Variants in AKAP8L observed in about 807,000 individuals in gnomAD.
The protein encoded by AKAP8L is A-kinase anchoring protein 8 like.
AKAP8L carries 34 observed loss-of-function variants against 77.5 expected under a neutral mutation model. The observed-to-expected ratio is 0.44, with a 90% CI of 0.33 to 0.58. The LOEUF (loss-of-function observed/expected upper bound fraction) is 0.58, where lower values mean the gene tolerates loss of function less well. Among genes scored for constraint, AKAP8L ranks in the 20% least tolerant of loss-of-function variants. The pLI is 0.02. For synonymous variants in AKAP8L, 342 were observed against 340.7 expected (o/e 1.00, Z -0.04); for missense variants, 806 against 887.6 (o/e 0.91, Z 1.17).
At position 15,387,698 on chromosome 19, in the gene AKAP8L, C is replaced by T. The variant is rs1039453592; in HGVS notation, c.1537-7086G>A. Among the ~76,000 whole-genome samples, 11 of 152,176 alleles carry T rather than the reference C, an allele frequency of 7.2e-5. 1 individual carries two copies. The highest frequency in any genetic ancestry group is 2.4e-5 in the African/African-American group (1 of 41,458). ...CTCTTGGGCCTGGCATAGTGGCTGA[C>T]GCCTGTAATCCCAGCACCTTGTGAG... On this transcript the variant is annotated intron_variant, in intron 12 of 13. Transcript: ENST00000397410.
At chr19:15,385,392 A>G (rs1408340321) in intron 12 of AKAP8L, among the ~76,000 whole-genome samples, 284 of 118,206 alleles carry the variant, frequency 2.4e-3, no homozygotes, top group Middle Eastern at 0.013. Flanking sequence ...CGTGTTAGCC[A>G]GGATGGTCTC....
Position 15,401,609 on chromosome 19 carries a change from G to A in AKAP8L, c.363-6C>T. 3.8e-6 allele frequency: 6 copies of A among 1,566,220 alleles called. No homozygotes were observed. The highest frequency in any genetic ancestry group is 4.3e-6 in the Non-Finnish European group (5 of 1,155,298). Reference sequence around the variant, plus strand: ...AGGACTCATAAGAGTCATACCTGCAGAGGCATGGGGTGAGCATCAGGTGGA... The same window carrying A: ...AGGACTCATAAGAGTCATACCTGCAAAGGCATGGGGTGAGCATCAGGTGGA... On this transcript the variant is annotated splice_polypyrimidine_tract_variant and splice_region_variant and intron_variant, in intron 4 of 13. Coordinates refer to ENST00000397410, the MANE Select transcript of AKAP8L (RefSeq NM_014371.4). The surrounding 1 kb of genome is among the most constrained non-coding windows in gnomAD (Gnocchi z 6.2).
In AKAP8L at chr19:15,380,568, G is replaced by C; in HGVS notation, c.1581C>G (p.Arg527=). ...TGATGAGCTTGTTGTTGAGAATACT[G>C]CGGGCCACCATGAGGGAGGACTTCT... ...QSKKSSLMVA[R]SILNNKLISK... is the part of the protein sequence containing the mutation. The change falls in exon 13 of 14, where the codon CGC becomes CGG. Residue 527 remains arginine (R), a synonymous_variant. Coordinates refer to ENST00000397410, the MANE Select transcript of AKAP8L (RefSeq NM_014371.4). 1 of 1,613,916 alleles carries C rather than the reference G, an allele frequency of 6.2e-7. No individual in the cohort carries two copies. Among genetic ancestry groups the C allele is most frequent in the East Asian group, 2.2e-5 (1 of 44,882 alleles).
intron 12 of AKAP8L, among the ~76,000 whole-genome samples, chr19:15,381,449 G>T (rs749399786): frequency 1.3e-5 from 2 of 152,096 alleles, no homozygotes; most frequent in Non-Finnish European, 2.9e-5. Context: ...TCAATATGCT[G>T]GGCCATCTCA....
chr19:15,391,439 C>CA (rs1329170089), intron 12 of AKAP8L, among the ~76,000 whole-genome samples: 2 of 82,852 alleles, frequency 2.4e-5, no homozygotes, highest in African/African-American at 1.0e-4. Context: ...GCCAGGGCGA[C>CA]AGAGTGAGAC....
At chr19:15,390,333 C>T (rs562529961) in intron 12 of AKAP8L, among the ~76,000 whole-genome samples, 16 of 150,564 alleles carry the variant, frequency 1.1e-4, no homozygotes, top group Non-Finnish European at 2.1e-4. Context: ...GTGTGAGGAT[C>T]GCCTGAGCCT....
At chr19:15,409,289 A>G (rs1473181093) in intron 2 of AKAP8L, among the ~76,000 whole-genome samples, 1 of 152,210 alleles carries the variant, frequency 6.6e-6, no homozygotes, top group Non-Finnish European at 1.5e-5. Context: ...ATCCAGAGGG[A>G]AAATAATTCA....
chr19:15,400,581 C>T, intron 7 of AKAP8L: 2 of 719,280 alleles, frequency 2.8e-6, no homozygotes. Flanking sequence ...CTCCCACTAC[C>T]TGGTGCACAG....
intron 1 of AKAP8L, chr19:15,417,746 A>C (rs1018774481): frequency 1.2e-4 from 18 of 152,172 alleles, no homozygotes; most frequent in African/African-American, 3.4e-4. Flanking sequence ...TCAAAATTCC[A>C]AGTAGAATGC....
rs1470202829 is a variant in AKAP8L, at chr19:15,399,252, G to A, written c.1157+50C>T. The A allele has an allele frequency of 9.8e-6, 15 of 1,526,378 alleles. No homozygotes were observed. The highest frequency in any genetic ancestry group is 9.0e-5 in the East Asian group (4 of 44,380). The allele number at this position is 1,526,378 out of a possible 1,614,324, so 94.6% of individuals were successfully genotyped here. A position where few individuals can be genotyped will look rare whatever the true frequency, so the allele number is the denominator to read the frequency against. On this transcript the variant is annotated intron_variant, in intron 9 of 13. Coordinates refer to ENST00000397410, the MANE Select transcript of AKAP8L (RefSeq NM_014371.4). The surrounding 1 kb of genome is among the most constrained non-coding windows in gnomAD (Gnocchi z 6.1). ...AGAGCTATGGCCCTGCTCTCCTGGC[G>A]GCAGCCCCACAGCGAGGCAGAGGCA... is the stretch of plus-strand genomic sequence containing the variant.
intron 12 of AKAP8L, among the ~76,000 whole-genome samples, chr19:15,391,084 A>G (rs1314139030): frequency 6.6e-6 from 1 of 152,196 alleles, no homozygotes; most frequent in African/African-American, 2.4e-5. Context: ...AAAGAAATAA[A>G]GTGCATCTAG....
At chr19:15,391,526 TA>T (rs1568264265) in intron 12 of AKAP8L, among the ~76,000 whole-genome samples, 71 of 149,878 alleles carry the variant, frequency 4.7e-4, no homozygotes, top group African/African-American at 1.7e-3. Flanking sequence ...TTTATGTTTT[TA>T]TTTTTATTTT....
chr19:15,384,773 C>T, intron 12 of AKAP8L, among the ~76,000 whole-genome samples: 1 of 152,200 alleles, frequency 6.6e-6, no homozygotes, highest in East Asian at 1.9e-4. Flanking sequence ...TCTATTAATT[C>T]TAAGAACATT....
rs774722186 is a variant in AKAP8L at position 15,401,317 on chromosome 19, G to A, written c.649C>T (p.Arg217Trp). ...TTCTGGGAGAAGAGGGAGGGCAGCCGAGAGGCACCAGACATGCACTGGCCC... is the reference window on the plus strand; with the variant it reads ...TTCTGGGAGAAGAGGGAGGGCAGCCAAGAGGCACCAGACATGCACTGGCCC... ...ARGQCMSGAS[R>W]LPSLFSQNII... The change falls in exon 5 of 14, where the codon CGG becomes TGG. Residue 217 changes from arginine to tryptophan, a missense_variant. Physicochemically the swap from Arg to Trp is moderately radical, Grantham distance 101. This residue lies in a region of AKAP8L where 580 missense variants were observed against 694.1 expected (regional missense o/e 0.84). Coordinates refer to ENST00000397410, the MANE Select transcript of AKAP8L (RefSeq NM_014371.4). This position sits in a 1 kb window ranked among gnomAD's most constrained non-coding sequence, Gnocchi z 6.2. 16 of 1,613,440 alleles carry A rather than the reference G, an allele frequency of 9.9e-6. No individual in the cohort carries two copies. Among genetic ancestry groups the A allele is most frequent in the South Asian group, 5.5e-5 (5 of 91,096 alleles).
At chr19:15,417,406 G>A (rs1299895031) in intron 1 of AKAP8L, among the ~76,000 whole-genome samples, 5 of 152,182 alleles carry the variant, frequency 3.3e-5, no homozygotes, top group Non-Finnish European at 7.3e-5. Context: ...ACTGATGTTT[G>A]ACGCCAGATA....
chr19:15,395,499 C>G (rs980735232), intron 12 of AKAP8L, among the ~76,000 whole-genome samples: 1 of 150,348 alleles, frequency 6.7e-6, no homozygotes, highest in African/African-American at 2.4e-5. Flanking sequence ...ATTTTTAGTA[C>G]AGACAGCGTT....
rs1967835115 is a variant in AKAP8L at position 15,399,083 on chromosome 19, CCA to C, written c.1157+217_1157+218del. ...GTGCCGAGCGGTGTCAGGTCTCGGC[CCA>C]CAGACGCCAGCGGTCGCCAGGCGGC... is the stretch of plus-strand genomic sequence containing the variant. On this transcript the variant is annotated intron_variant, in intron 9 of 13. Transcript: ENST00000397410. The surrounding 1 kb of genome is among the most constrained non-coding windows in gnomAD (Gnocchi z 6.1). 1.7e-6 allele frequency: 1 copy of C among 575,812 alleles called. No individual in the cohort carries two copies. The highest frequency in any genetic ancestry group is 3.1e-6 in the Non-Finnish European group (1 of 324,766). 35.7% of individuals were successfully genotyped at this position (575,812 alleles called of 1,614,324 possible).
At chr19:15,394,873 T>C (rs1967736684) in intron 12 of AKAP8L, among the ~76,000 whole-genome samples, 1 of 152,176 alleles carries the variant, frequency 6.6e-6, no homozygotes, top group Non-Finnish European at 1.5e-5. Context: ...AAATTATCTC[T>C]GTAAACCAAT....
intron 12 of AKAP8L, among the ~76,000 whole-genome samples, chr19:15,389,962 TGTA>T (rs1185906508): frequency 6.6e-6 from 1 of 151,286 alleles, no homozygotes; most frequent in Non-Finnish European, 1.5e-5. Context: ...GGCTCATGCC[TGTA>T]GTGGCAAGAC....
Sources: allele counts gnomAD v4.1 joint callset (sites outside exome capture counted in the v4.1 genomes callset), GRCh38; gene constraint gnomAD v4.1.1; regional missense constraint gnomAD v4.1.1; non-coding constraint Gnocchi (gnomAD v3.1); transcripts MANE v1.5; gene names NCBI Gene and HGNC (gene_info 2026-07-23, HGNC 2026-07-21).